Variants in RASSF3 observed in about 807,000 individuals in gnomAD.
RASSF3 encodes Ras association domain family member 3.
Under a neutral mutation model 19.9 loss-of-function variants are expected in RASSF3, and 19 were observed. The ratio of observed to expected loss-of-function variants is 0.96; its 90% confidence interval spans 0.67 to 1.40. The LOEUF (loss-of-function observed/expected upper bound fraction) is 1.40, where lower values mean the gene tolerates loss of function less well. Among genes scored for constraint, RASSF3 ranks in the 40% most tolerant of loss-of-function variants. The pLI is 0.00. For missense variants in RASSF3, 306 were observed against 289.8 expected (o/e 1.06, Z -0.41); for synonymous variants, 110 against 104.2 (o/e 1.06, Z -0.34).
intron 1 of RASSF3, among the ~76,000 whole-genome samples, chr12:64,621,992 G>C (rs984044132): frequency 6.6e-6 from 1 of 152,062 alleles, no homozygotes; most frequent in Admixed American, 6.6e-5. Flanking sequence ...GTTTATCTTT[G>C]AATTTCAATA....
intron 1 of RASSF3, among the ~76,000 whole-genome samples, chr12:64,520,555 C>CACACATATATATATATAT (rs1435123674): frequency 1.0e-4 from 9 of 86,348 alleles, no homozygotes; most frequent in East Asian, 9.0e-4. Flanking sequence ...CACATACACA[C>CACACATATATATATATAT]ATATATATAT....
intron 2 of RASSF3, among the ~76,000 whole-genome samples, chr12:64,548,562 C>CT (rs1184168433): frequency 1.3e-5 from 2 of 152,148 alleles, no homozygotes; most frequent in African/African-American, 4.8e-5. Flanking sequence ...GTATGAAAAT[C>CT]TTTTCCTACA....
chr12:64,694,637 C>A, intron 4 of RASSF3, 126 bp from the exon 5 acceptor site: 1 of 1,050,200 alleles, frequency 9.5e-7, no homozygotes, highest in Non-Finnish European at 1.4e-6. Context: ...CTCTTGCAGA[C>A]CACACCTTCT....
At chr12:64,568,405 CCATTTGTTTGCCTTT>C (rs1869465609) in intron 2 of RASSF3, among the ~76,000 whole-genome samples, 1 of 152,098 alleles carries the variant, frequency 6.6e-6, no homozygotes, top group African/African-American at 2.4e-5. Context: ...TTTATTTGAA[CCATTTGTTTGCCTTT>C]CTTCTATTAC....
At chr12:64,603,271 A>G (rs985641656) in intron 2 of RASSF3, among the ~76,000 whole-genome samples, 15 of 152,230 alleles carry the variant, frequency 9.9e-5, no homozygotes, top group African/African-American at 2.9e-4. Flanking sequence ...AGGGTCTGAG[A>G]TACAAGGTAA....
intron 2 of RASSF3, among the ~76,000 whole-genome samples, chr12:64,685,739 G>A (rs1592470465): frequency 6.6e-6 from 1 of 152,308 alleles, no homozygotes; most frequent in South Asian, 2.1e-4. Flanking sequence ...GCAGGGAGTC[G>A]GCGTACAGGA....
chr12:64,626,514 A>G (rs921944831), intron 1 of RASSF3, among the ~76,000 whole-genome samples: 4 of 151,820 alleles, frequency 2.6e-5, no homozygotes, highest in Non-Finnish European at 5.9e-5. Context: ...AAGAAAAAAA[A>G]AGAAAAAGAT....
At chr12:64,645,048 G>A (rs892545862) in intron 1 of RASSF3, among the ~76,000 whole-genome samples, 6 of 152,172 alleles carry the variant, frequency 3.9e-5, no homozygotes, top group African/African-American at 1.4e-4. Flanking sequence ...GTGACAGCCT[G>A]AGGACTTTCT....
intron 1 of RASSF3, among the ~76,000 whole-genome samples, chr12:64,670,111 G>A (rs73321780): frequency 0.012 from 1,774 of 151,696 alleles, 39 homozygotes; most frequent in African/African-American, 0.041. Context: ...GCTCAGGTTC[G>A]CTCTATCTAG....
intron 2 of RASSF3, among the ~76,000 whole-genome samples, chr12:64,560,077 T>C (rs2136124985): frequency 6.6e-6 from 1 of 152,266 alleles, no homozygotes; most frequent in East Asian, 1.9e-4. Context: ...AAGTGGTAGT[T>C]CTTACTATGA....
chr12:64,512,205 A>G (rs1206378814), intron 1 of RASSF3, among the ~76,000 whole-genome samples: 7 of 152,224 alleles, frequency 4.6e-5, no homozygotes, highest in Non-Finnish European at 7.3e-5. Context: ...TGTCTTGTCT[A>G]TTGGAGGGTA....
chr12:64,666,017 C>G (rs1218227962), intron 1 of RASSF3, among the ~76,000 whole-genome samples: 1 of 152,180 alleles, frequency 6.6e-6, no homozygotes, highest in African/African-American at 2.4e-5. Context: ...TTTTTGCTGA[C>G]AAGAAACTGA....
At chr12:64,566,036 A>G (rs1012333972) in intron 2 of RASSF3, among the ~76,000 whole-genome samples, 1 of 152,140 alleles carries the variant, frequency 6.6e-6, no homozygotes, top group Admixed American at 6.6e-5. Flanking sequence ...CACCATCTCT[A>G]CTAAAAATAC....
chr12:64,571,085 G>A (rs1207363332), intron 2 of RASSF3, among the ~76,000 whole-genome samples: 6 of 152,026 alleles, frequency 3.9e-5, no homozygotes, highest in Admixed American at 3.3e-4. Context: ...GGGTGTGGTC[G>A]CGGGCGCCTG....
intron 2 of RASSF3, among the ~76,000 whole-genome samples, chr12:64,598,278 A>C (rs1463773389): frequency 1.3e-5 from 2 of 152,178 alleles, no homozygotes; most frequent in African/African-American, 2.4e-5. Flanking sequence ...CATTCTTCAC[A>C]GGTTTATTGA....
chr12:64,515,773 C>T (rs2136100110), intron 1 of RASSF3, among the ~76,000 whole-genome samples: 1 of 152,242 alleles, frequency 6.6e-6, no homozygotes, highest in South Asian at 2.1e-4. Context: ...AATCCTCCCA[C>T]TTTAGCCCCC....
At chr12:64,557,474 A>G (rs1419403686) in intron 2 of RASSF3, among the ~76,000 whole-genome samples, 1 of 152,140 alleles carries the variant, frequency 6.6e-6, no homozygotes, top group African/African-American at 2.4e-5. Flanking sequence ...ACAGGAGTTC[A>G]TAGTACCCTG....
chr12:64,531,815 A>G (rs1868714609), upstream of RASSF3, among the ~76,000 whole-genome samples: 1 of 152,152 alleles, frequency 6.6e-6, no homozygotes, highest in Admixed American at 6.5e-5. Context: ...TAGAGATGTG[A>G]AAAGTGAGAA....
chr12:64,610,792 G>A (rs1870326307), intron 1 of RASSF3, 49 bp downstream of exon 1: 14 of 1,268,180 alleles, frequency 1.1e-5, no homozygotes, highest in Non-Finnish European at 1.5e-5. Flanking sequence ...GAGTTCCGGG[G>A]AACCCGCCAG....
Sources: gnomAD v4.1 joint callset for allele counts (sites outside exome capture counted in the v4.1 genomes callset) on GRCh38, gnomAD v4.1.1 for gene constraint, MANE v1.5 for transcripts, NCBI Gene and HGNC (gene_info 2026-07-23, HGNC 2026-07-21) for gene names.